COL26A1: variants seen among roughly 807,000 people sequenced by gnomAD.
COL26A1 encodes the protein collagen type XXVI alpha 1 chain.
COL26A1 carries 41 observed loss-of-function variants against 59.3 expected under a neutral mutation model. The ratio of observed to expected loss-of-function variants is 0.69; its 90% CI spans 0.54 to 0.90. The LOEUF (loss-of-function observed/expected upper bound fraction) is 0.90. COL26A1 is among the 40% of genes least tolerant of loss of function. The pLI is 0.00. For synonymous variants in COL26A1, 266 were observed against 256.0 expected (o/e 1.04, Z -0.37); for missense variants, 612 against 602.3 (o/e 1.02, Z -0.17).
At chr7:101,377,083 T>C (rs1791335173) in intron 1 of COL26A1, among the ~76,000 whole-genome samples, 2 of 152,172 alleles carry the variant, frequency 1.3e-5, no homozygotes, top group Admixed American at 6.6e-5. Flanking sequence ...GGTCTCAAAC[T>C]CCTGACCTCA....
At chr7:101,413,344 C>T (rs1489483086) in intron 1 of COL26A1, among the ~76,000 whole-genome samples, 1 of 152,088 alleles carries the variant, frequency 6.6e-6, no homozygotes, top group African/African-American at 2.4e-5. Flanking sequence ...CATGGCGAAA[C>T]CAGTCTCTAC....
chr7:101,503,087 G>A (rs1448687639), intron 3 of COL26A1, among the ~76,000 whole-genome samples: 2 of 152,104 alleles, frequency 1.3e-5, no homozygotes, highest in Non-Finnish European at 2.9e-5. Flanking sequence ...CCTCATATAC[G>A]CAGTTACTCC....
intron 2 of COL26A1, among the ~76,000 whole-genome samples, chr7:101,439,830 G>A (rs188027067): frequency 1.5e-3 from 221 of 152,184 alleles, no homozygotes; most frequent in African/African-American, 5.1e-3. Context: ...ACAACACCCC[G>A]CTCCAGAGCT....
intron 3 of COL26A1, among the ~76,000 whole-genome samples, chr7:101,482,570 A>G (rs1367882566): frequency 1.3e-5 from 2 of 152,200 alleles, no homozygotes; most frequent in Admixed American, 6.5e-5. Flanking sequence ...ACTAGGTTGC[A>G]CTTTGGAAAC....
intron 7 of COL26A1, among the ~76,000 whole-genome samples, chr7:101,546,198 G>A (rs1795732227): frequency 6.6e-6 from 1 of 152,146 alleles, no homozygotes; most frequent in Admixed American, 6.5e-5. Flanking sequence ...GCCCTGAGAG[G>A]AGCATCATTT....
chr7:101,549,442 C>T (rs1238107006), intron 9 of COL26A1, among the ~76,000 whole-genome samples: 5 of 152,100 alleles, frequency 3.3e-5, no homozygotes, highest in Admixed American at 6.5e-5. Context: ...AGTGCAGTGG[C>T]GCCATCTCAG....
At chr7:101,482,250 C>G (rs935274548) in intron 3 of COL26A1, among the ~76,000 whole-genome samples, 2 of 152,186 alleles carry the variant, frequency 1.3e-5, no homozygotes, top group Non-Finnish European at 2.9e-5. Context: ...TCAAGGGATC[C>G]ACCTGCCTTG....
intron 3 of COL26A1, among the ~76,000 whole-genome samples, chr7:101,455,485 G>A (rs1174110182): frequency 2.0e-5 from 3 of 148,414 alleles, no homozygotes; most frequent in African/African-American, 5.0e-5. Context: ...ATGCTGTTTG[G>A]TAAGTTTCTT....
At chr7:101,481,965 T>G (rs887090878) in intron 3 of COL26A1, among the ~76,000 whole-genome samples, 8 of 151,950 alleles carry the variant, frequency 5.3e-5, no homozygotes, top group Admixed American at 4.6e-4. Context: ...AAGTGCACCA[T>G]AAATGCTAAC....
In COL26A1 at chr7:101,558,757, C is replaced by G. The variant is rs985561894; in HGVS notation, c.*1227C>G. On this transcript the variant is annotated 3_prime_UTR_variant, in exon 13 of 13. Coordinates refer to ENST00000313669, the MANE Select transcript of COL26A1 (RefSeq NM_001278563.3). ...TCTCTTGCTGGGCTGGGACCTGGGA[C>G]ACAGCCACGGCAGCAAACTCAGAGA... 6.6e-6 allele frequency: 1 copy of G among 152,326 alleles called. No individual in the cohort carries two copies. Among genetic ancestry groups the G allele is most frequent in the African/African-American group, 2.4e-5 (1 of 41,446 alleles). The allele number at this position is 152,326 out of a possible 1,614,324, so 9.4% of individuals were successfully genotyped here. A position where few individuals can be genotyped will look rare whatever the true frequency, so the allele number is the denominator to read the frequency against.
chr7:101,483,990 AGTGTGTGTGT>A lies in COL26A1; in HGVS notation c.385+36238_385+36247del, dbSNP rs55863250. On this transcript the variant is annotated intron_variant, in intron 3 of 12. Coordinates refer to ENST00000313669, the MANE Select transcript of COL26A1 (RefSeq NM_001278563.3). The stretch of plus-strand genomic sequence containing the variant: ...CACCTGGCCCCAGCTAACTTTTTAA[AGTGTGTGTGT>A]GTGTGTGTGTGTGTGTGTGTGTGTG... Among the ~76,000 whole-genome samples the A allele has an allele frequency of 1.2e-3, 154 of 128,000 alleles. 1 individual carries two copies. Among genetic ancestry groups the A allele is most frequent in the African/African-American group, 3.9e-3 (132 of 33,522 alleles). The allele number at this position is 128,000 out of a possible 152,430, so 84.0% of individuals were successfully genotyped here.
rs869149636 is a variant in COL26A1, at chr7:101,366,474, A to ATTTT, written c.158+3324_158+3327dup. On this transcript the variant is annotated intron_variant, in intron 1 of 12. Transcript: ENST00000313669. ...TGTTACTGCTCCTTGTTAACGTCTG[A>ATTTT]TTTTTTTTTTTTTTTTTTTTTTTTT... Among the ~76,000 whole-genome samples the ATTTT allele has an allele frequency of 9.2e-4, 70 of 76,260 alleles. 5 individuals carry two copies. The highest frequency in any genetic ancestry group is 1.6e-3 in the Non-Finnish European group (54 of 34,260). 50.0% of individuals were successfully genotyped at this position (76,260 alleles called of 152,430 possible). A position where few individuals can be genotyped will look rare whatever the true frequency, so the allele number is the denominator to read the frequency against.
chr7:101,516,989 A>T (rs889691315), intron 3 of COL26A1, among the ~76,000 whole-genome samples: 16 of 152,074 alleles, frequency 1.1e-4, no homozygotes, highest in Non-Finnish European at 1.9e-4. Context: ...TGGTAAGGGG[A>T]GGGGCCTTGT....
chr7:101,539,759 A>C (rs79591881), intron 4 of COL26A1, 134 bp from the exon 5 acceptor site: 64,171 of 866,588 alleles, frequency 0.074, 2,629 homozygotes, highest in Admixed American at 0.099. Flanking sequence ...TCTCCCACTA[A>C]GGAGCGTGAC....
At chr7:101,513,620 C>T (rs759830419) in intron 3 of COL26A1, among the ~76,000 whole-genome samples, 2 of 152,204 alleles carry the variant, frequency 1.3e-5, no homozygotes, top group African/African-American at 4.8e-5. Flanking sequence ...GCTGGGATTA[C>T]AGGTGTGAGC....
At chr7:101,395,585 G>A (rs1352971723) in intron 1 of COL26A1, among the ~76,000 whole-genome samples, 3 of 152,178 alleles carry the variant, frequency 2.0e-5, no homozygotes, top group Non-Finnish European at 4.4e-5. Flanking sequence ...AAATGGCTCT[G>A]CAGGAATGAA....
intron 2 of COL26A1, among the ~76,000 whole-genome samples, chr7:101,437,029 C>A (rs1025293876): frequency 2.6e-5 from 4 of 152,114 alleles, no homozygotes; most frequent in Non-Finnish European, 4.4e-5. Context: ...CATCCAGGCA[C>A]CCTGTTCGTT....
chr7:101,420,753 C>CATAG, intron 2 of COL26A1, among the ~76,000 whole-genome samples: 1 of 143,986 alleles, frequency 6.9e-6, no homozygotes, highest in African/African-American at 2.5e-5. Context: ...CAGCCCTTCC[C>CATAG]TCTCACCAGC....
chr7:101,551,743 C>T (rs6974379), intron 10 of COL26A1, among the ~76,000 whole-genome samples: 20,688 of 132,146 alleles, frequency 0.16, 1,721 homozygotes, highest in Middle Eastern at 0.26. Context: ...GAGACTCCAT[C>T]TCAAAAAAAA....
Sources: allele counts gnomAD v4.1 joint callset (sites outside exome capture counted in the v4.1 genomes callset), GRCh38; gene constraint gnomAD v4.1.1; transcripts MANE v1.5; gene names NCBI Gene and HGNC (gene_info 2026-07-23, HGNC 2026-07-21).